Variants in ANXA8 observed in about 807,000 individuals in gnomAD.
ANXA8 encodes the protein VAC-beta.
In ANXA8, 9 loss-of-function variants were observed where a neutral mutation model predicts 26.8. The ratio of observed to expected loss-of-function variants is 0.34; its 90% CI spans 0.20 to 0.59. The LOEUF (loss-of-function observed/expected upper bound fraction) is 0.59, where lower values mean the gene tolerates loss of function less well. ANXA8 is among the 20% of genes least tolerant of loss of function. ANXA8 has a pLI of 0.84. For synonymous variants in ANXA8, 39 were observed against 94.8 expected, an observed-to-expected ratio of 0.41 and a Z score of 3.42; for missense variants, 83 against 238.5, an observed-to-expected ratio of 0.35 and a Z score of 4.29.
the ANXA8 span, chr10:47,696,493 C>G: frequency 7.4e-7 from 1 of 1,352,338 alleles, no homozygotes; most frequent in Non-Finnish European, 1.0e-6. Flanking sequence ...AGTTATTCAT[C>G]TATTCAGCCT....
At chr10:47,973,288 G>A in the ANXA8 span, 1 of 146,980 alleles carries the variant, frequency 6.8e-6, no homozygotes. Flanking sequence ...ATGTTGTGGA[G>A]GACAGGATGA....
At chr10:47,620,029 C>T in the ANXA8 span, among the ~76,000 whole-genome samples, 1 of 106,838 alleles carries the variant, frequency 9.4e-6, no homozygotes. Flanking sequence ...AATATTACAA[C>T]AAAACAAGTA....
the ANXA8 span, among the ~76,000 whole-genome samples, chr10:47,930,396 G>A: frequency 1.4e-5 from 2 of 145,106 alleles, no homozygotes; most frequent in African/African-American, 2.6e-5. Context: ...TGAGCTACTT[G>A]GGAGGCTGAG....
the ANXA8 span, among the ~76,000 whole-genome samples, chr10:47,733,172 T>C: frequency 3.8e-4 from 39 of 102,790 alleles, no homozygotes; most frequent in African/African-American, 1.2e-3. Context: ...TTTCTTTCTT[T>C]CTTTCTTTCT....
chr10:47,651,896 AAAAAC>A, the ANXA8 span, among the ~76,000 whole-genome samples: 2 of 150,768 alleles, frequency 1.3e-5, no homozygotes, highest in Non-Finnish European at 3.0e-5. Context: ...CTTTGTCTCA[AAAAAC>A]AAAACAAAAC....
chr10:47,733,163 T>TTCTTTCTTTCTTTCTTTCTTTCTCTC, the ANXA8 span, among the ~76,000 whole-genome samples: 35 of 98,008 alleles, frequency 3.6e-4, 2 homozygotes, highest in African/African-American at 1.2e-3. Context: ...CTTTCTTTCT[T>TTCTTTCTTTCTTTCTTTCTTTCTCTC]TCTTTCTTTC....
chr10:47,503,195 C>T, the ANXA8 span: 1,238 of 1,603,138 alleles, frequency 7.7e-4, 28 homozygotes, highest in East Asian at 0.025. Context: ...TAGGTGAGCA[C>T]GCCATTGGAA....
At chr10:47,561,962 G>A in the ANXA8 span, among the ~76,000 whole-genome samples, 2 of 151,130 alleles carry the variant, frequency 1.3e-5, no homozygotes, top group Non-Finnish European at 2.9e-5. Context: ...AATGAGATGG[G>A]GGAGTCAGCT....
At chr10:47,714,380 G>T in the ANXA8 span, among the ~76,000 whole-genome samples, 4 of 145,130 alleles carry the variant, frequency 2.8e-5, no homozygotes, top group Non-Finnish European at 4.5e-5. Context: ...GAGATGAGCA[G>T]GTGTAGTAAA....
At chr10:47,636,683 T>C in the ANXA8 span, among the ~76,000 whole-genome samples, 37 of 152,014 alleles carry the variant, frequency 2.4e-4, no homozygotes, top group Admixed American at 5.9e-4. Context: ...AATTCAGCCT[T>C]TGAGCAGGGT....
At position 47,474,823 on chromosome 10, in the gene ANXA8, G is replaced by A. The variant is rs1839459430; in HGVS notation, c.552+122C>T. The stretch of plus-strand genomic sequence containing the variant: ...CCTCCCCAGACACCACAGGACAAAG[G>A]CCTATAGGGAGCTGAGCTGGGTGGG... On this transcript the variant is annotated intron_variant, in intron 7 of 11. Coordinates refer to ENST00000585281, the MANE Select transcript of ANXA8 (RefSeq NM_001040084.3). The A allele has an allele frequency of 2.1e-5, 26 of 1,243,230 alleles. 1 individual carries two copies. Among genetic ancestry groups the A allele is most frequent in the Middle Eastern group, 5.6e-4 (2 of 3,548 alleles). The allele number at this position is 1,243,230 out of a possible 1,614,324, so 77.0% of individuals were successfully genotyped here. A position where few individuals can be genotyped will look rare whatever the true frequency, so the allele number is the denominator to read the frequency against.
chr10:47,959,061 G>A, the ANXA8 span, among the ~76,000 whole-genome samples: 3 of 149,274 alleles, frequency 2.0e-5, no homozygotes, highest in South Asian at 2.1e-4. Flanking sequence ...CCCATCTGAA[G>A]TGGCCAGTGG....
At chr10:47,504,927 GC>G in the ANXA8 span, among the ~76,000 whole-genome samples, 1 of 147,318 alleles carries the variant, frequency 6.8e-6, no homozygotes, top group African/African-American at 2.5e-5. Context: ...TGCGATCTCG[GC>G]TCATGGCAAC....
chr10:47,571,924 C>T, the ANXA8 span, among the ~76,000 whole-genome samples: 1 of 146,156 alleles, frequency 6.8e-6, no homozygotes, highest in Non-Finnish European at 1.5e-5. Flanking sequence ...GGGCATGAGC[C>T]ACTGCACCTG....
chr10:47,986,078 T>C, the ANXA8 span: 1 of 151,186 alleles, frequency 6.6e-6, no homozygotes, highest in South Asian at 2.1e-4. Flanking sequence ...TTGTTAGATA[T>C]GAGTTTTCAC....
At chr10:47,681,075 T>C in the ANXA8 span, among the ~76,000 whole-genome samples, 1 of 151,436 alleles carries the variant, frequency 6.6e-6, no homozygotes, top group Non-Finnish European at 1.5e-5. Context: ...CTGGGGCAAG[T>C]TCCTTTTGTA....
At chr10:47,648,183 A>G in the ANXA8 span, among the ~76,000 whole-genome samples, 2 of 150,968 alleles carry the variant, frequency 1.3e-5, no homozygotes, top group East Asian at 3.9e-4. Flanking sequence ...AACAAACAGG[A>G]AAAGGAGATC....
chr10:47,743,354 AC>A, the ANXA8 span, among the ~76,000 whole-genome samples: 1 of 61,160 alleles, frequency 1.6e-5, no homozygotes, highest in Non-Finnish European at 3.6e-5. Context: ...ATATATATAT[AC>A]ACATATATAT....
At chr10:47,549,955 T>C in the ANXA8 span, among the ~76,000 whole-genome samples, 1 of 147,110 alleles carries the variant, frequency 6.8e-6, no homozygotes, top group East Asian at 2.0e-4. Context: ...AACATAAAAA[T>C]TAAAAAAAAG....
Sources: allele counts gnomAD v4.1 joint callset (sites outside exome capture counted in the v4.1 genomes callset), GRCh38; gene constraint gnomAD v4.1.1; transcripts MANE v1.5; gene names NCBI Gene and HGNC (gene_info 2026-07-23, HGNC 2026-07-21).